Variants in PIK3CG observed in about 807,000 individuals in gnomAD.
The protein encoded by PIK3CG is phosphatidylinositol-4,5-bisphosphate 3-kinase catalytic subunit gamma, also known as phosphatidylinositol 4,5-bisphosphate 3-kinase catalytic subunit gamma isoform.
A neutral mutation model predicts 102.3 loss-of-function variants in PIK3CG; 55 were observed. The observed-to-expected ratio is 0.54, with a 90% CI of 0.43 to 0.67. PIK3CG has a LOEUF of 0.67. Ranked by LOEUF, PIK3CG falls within the 30% of genes least tolerant of loss-of-function variation. PIK3CG has a pLI of 0.00. For missense variants in PIK3CG, 1,258 were observed against 1,391.8 expected (o/e 0.90, Z 1.53); for synonymous variants, 552 against 540.0 (o/e 1.02, Z -0.31).
In PIK3CG at chr7:106,895,840, C is replaced by T. The variant is rs933770687; in HGVS notation, c.3031-9269C>T. 6.6e-6 allele frequency among the ~76,000 whole-genome samples: 1 copy of T among 152,190 alleles called. No homozygotes were observed. Among genetic ancestry groups the T allele is most frequent in the Non-Finnish European group, 1.5e-5 (1 of 68,028 alleles). On this transcript the variant is annotated intron_variant, in intron 10 of 10. Transcript: ENST00000496166. The surrounding 1 kb of genome is among the most constrained non-coding windows in gnomAD (Gnocchi z 5.4). ...ATATTTAAAAGAGGTTAAGTGACTT[C>T]TCCAGTGATATATAGTTTACCAGTA... is the stretch of plus-strand genomic sequence containing the variant.
chr7:106,906,972 T>G lies in PIK3CG; in HGVS notation c.*1585T>G, dbSNP rs1051003212. 4.6e-6 allele frequency: 1 copy of G among 216,534 alleles called. No homozygotes were observed. Among genetic ancestry groups the G allele is most frequent in the Non-Finnish European group, 9.3e-6 (1 of 107,924 alleles). 13.4% of individuals were successfully genotyped at this position (216,534 alleles called of 1,614,324 possible). A position where few individuals can be genotyped will look rare whatever the true frequency, so the allele number is the denominator to read the frequency against. ...GAGACTCCATCTCTTAAAAAAAAAATTAGCTGGGTATAGTGGTATGTGCCT... is the reference window on the plus strand; with the variant it reads ...GAGACTCCATCTCTTAAAAAAAAAAGTAGCTGGGTATAGTGGTATGTGCCT... On this transcript the variant is annotated 3_prime_UTR_variant, in exon 11 of 11. Transcript: ENST00000496166.
chr7:106,883,773 C>A lies in PIK3CG; in HGVS notation c.2761-382C>A, dbSNP rs1791009014. Among the ~76,000 whole-genome samples the A allele has an allele frequency of 6.6e-6, 1 of 152,096 alleles. No homozygotes were observed. Among genetic ancestry groups the A allele is most frequent in the Non-Finnish European group, 1.5e-5 (1 of 68,010 alleles). On this transcript the variant is annotated intron_variant, in intron 8 of 10. Coordinates refer to ENST00000496166, the MANE Select transcript of PIK3CG (RefSeq NM_001282426.2). This position sits in a 1 kb window ranked among gnomAD's most constrained non-coding sequence, Gnocchi z 5.8. ...GAGTAGCACTTATTAATCTGTTATA[C>A]ATGGGGATCTGTGAACCCAAGCATA...
intron 10 of PIK3CG, among the ~76,000 whole-genome samples, chr7:106,886,617 T>C (rs551879771): frequency 2.6e-4 from 40 of 152,190 alleles, no homozygotes; most frequent in Non-Finnish European, 4.9e-4. Flanking sequence ...CTGAGCAGGT[T>C]AGCCACTAGA....
At position 106,906,847 on chromosome 7, in the gene PIK3CG, TTAA is replaced by T; in HGVS notation, c.*1462_*1464del. On this transcript the variant is annotated 3_prime_UTR_variant, in exon 11 of 11. Coordinates refer to ENST00000496166, the MANE Select transcript of PIK3CG (RefSeq NM_001282426.2). ...AGACCTTTTCTTTTTTTTTTTTTTT[TTAA>T]TGTGTGCAAAAGCCCAAAGGTTCCT... 4.4e-6 allele frequency: 1 copy of T among 226,980 alleles called. No homozygotes were observed. The highest frequency in any genetic ancestry group is 5.7e-5 in the Admixed American group (1 of 17,516). The allele number at this position is 226,980 out of a possible 1,614,324, so 14.1% of individuals were successfully genotyped here.
rs1448416221 is a variant in PIK3CG at position 106,867,790 on chromosome 7, C to G, written c.229C>G (p.Arg77Gly). 1 of 1,612,610 alleles carries G rather than the reference C, an allele frequency of 6.2e-7. No homozygotes were observed. The highest frequency in any genetic ancestry group is 2.2e-5 in the East Asian group (1 of 44,860). Residue 77 changes from arginine to glycine, a missense_variant, in exon 2 of 11, where the codon CGA (arginine) becomes GGA (glycine). This residue lies in a region of PIK3CG where 832 missense variants were observed against 787.5 expected (regional missense o/e 1.06). Transcript: ENST00000496166. The surrounding 1 kb of genome is among the most constrained non-coding windows in gnomAD (Gnocchi z 5.1). ...GCAGATGAAGGCCCAGGTGTGGCTG[C>G]GAGCGCTGGAGACCAGCGTGGCGGC... ...VEQMKAQVWL[R>G]ALETSVAADF... is the part of the protein sequence containing the mutation.
In PIK3CG at chr7:106,893,007, A is replaced by G. The variant is rs1791303647; in HGVS notation, c.3030+6715A>G. On this transcript the variant is annotated intron_variant, in intron 10 of 10. Coordinates refer to ENST00000496166, the MANE Select transcript of PIK3CG (RefSeq NM_001282426.2). The surrounding 1 kb of genome is among the most constrained non-coding windows in gnomAD (Gnocchi z 4.4). Reference sequence around the variant, plus strand: ...GAGTCAAGAAAGGAAATTTGGGTCCAACTTGAAGCAGTACATAGGCTGGAT... The same window carrying G: ...GAGTCAAGAAAGGAAATTTGGGTCCGACTTGAAGCAGTACATAGGCTGGAT... Among the ~76,000 whole-genome samples, 2 of 152,218 alleles carry G rather than the reference A, an allele frequency of 1.3e-5. No homozygotes were observed. Among genetic ancestry groups the G allele is most frequent in the Non-Finnish European group, 2.9e-5 (2 of 68,024 alleles).
rs1270947251 is a variant in PIK3CG at position 106,895,674 on chromosome 7, C to A, written c.3030+9382C>A. Among the ~76,000 whole-genome samples, 1 of 152,156 alleles carries A rather than the reference C, an allele frequency of 6.6e-6. No homozygotes were observed. The highest frequency in any genetic ancestry group is 1.9e-4 in the East Asian group (1 of 5,202). On this transcript the variant is annotated intron_variant, in intron 10 of 10. Transcript: ENST00000496166. This position sits in a 1 kb window ranked among gnomAD's most constrained non-coding sequence, Gnocchi z 5.4. ...GCAGATGGTCTAGAGGGACAGTGAGCCCCTTAGCGTTGAACAGTATGTGTA... is the reference window on the plus strand; with the variant it reads ...GCAGATGGTCTAGAGGGACAGTGAGACCCTTAGCGTTGAACAGTATGTGTA...
chr7:106,869,138 C>G lies in PIK3CG; in HGVS notation c.1577C>G (p.Pro526Arg), dbSNP rs749714535. 1.9e-6 allele frequency: 3 copies of G among 1,614,172 alleles called. No individual in the cohort carries two copies. Among genetic ancestry groups the G allele is most frequent in the Non-Finnish European group, 2.5e-6 (3 of 1,180,042 alleles). ...ISILLDNYCH[P>R]IALPKHQPTP... Reference sequence around the variant, plus strand: ...ATTCTTCTGGACAATTACTGCCACCCGATAGCCCTGCCTAAGCATCAGCCC... The same window carrying G: ...ATTCTTCTGGACAATTACTGCCACCGGATAGCCCTGCCTAAGCATCAGCCC... Residue 526 changes from proline (P) to arginine (R), a missense_variant, in exon 2 of 11, where the codon CCG becomes CGG. Pro to Arg is a moderately radical substitution (Grantham distance 103). This residue lies in a region of PIK3CG where 832 missense variants were observed against 787.5 expected (regional missense o/e 1.06). Coordinates refer to ENST00000496166, the MANE Select transcript of PIK3CG (RefSeq NM_001282426.2). This position sits in a 1 kb window ranked among gnomAD's most constrained non-coding sequence, Gnocchi z 5.3.
At position 106,891,120 on chromosome 7, in the gene PIK3CG, G is replaced by C. The variant is rs1798987341; in HGVS notation, c.3030+4828G>C. Reference sequence around the variant, plus strand: ...CATGTGTCCTGTGTCCCTCACAAGGGGCTGAGCCACGGTAAGCACTCAGTA... The same window carrying C: ...CATGTGTCCTGTGTCCCTCACAAGGCGCTGAGCCACGGTAAGCACTCAGTA... On this transcript the variant is annotated intron_variant, in intron 10 of 10. Transcript: ENST00000496166. This position sits in a 1 kb window ranked among gnomAD's most constrained non-coding sequence, Gnocchi z 4.4. Among the ~76,000 whole-genome samples the C allele has an allele frequency of 6.6e-6, 1 of 152,200 alleles. No individual in the cohort carries two copies. The highest frequency in any genetic ancestry group is 1.5e-5 in the Non-Finnish European group (1 of 68,022).
intron 5 of PIK3CG, among the ~76,000 whole-genome samples, chr7:106,876,759 T>C (rs759566205): frequency 6.6e-6 from 1 of 152,138 alleles, no homozygotes; most frequent in Non-Finnish European, 1.5e-5. Flanking sequence ...TTATCAGATA[T>C]ACATTTTACA....
In PIK3CG at chr7:106,870,704, A is replaced by G. The variant is rs147879347; in HGVS notation, c.1995+1148A>G. On this transcript the variant is annotated intron_variant, in intron 2 of 10. Coordinates refer to ENST00000496166, the MANE Select transcript of PIK3CG (RefSeq NM_001282426.2). ...CAGACTAAATTTTACACACTAAACT[A>G]TCTAATCACTATCCGTATTTATAGG... is the stretch of plus-strand genomic sequence containing the variant. 1.9e-3 allele frequency among the ~76,000 whole-genome samples: 288 copies of G among 152,344 alleles called. 1 individual carries two copies. Among genetic ancestry groups the G allele is most frequent in the Admixed American group, 2.4e-3 (37 of 15,300 alleles).
chr7:106,907,138 A>T lies in PIK3CG; in HGVS notation c.*1751A>T, dbSNP rs564616975. 1 of 183,024 alleles carries T rather than the reference A, an allele frequency of 5.5e-6. No homozygotes were observed. Among genetic ancestry groups the T allele is most frequent in the Admixed American group, 6.2e-5 (1 of 16,032 alleles). The allele number at this position is 183,024 out of a possible 1,614,324, so 11.3% of individuals were successfully genotyped here. ...CCTGTCTCAAAAAAATAAAATAAAAAATAAAAACACCCTTGCCTGCGCTCC... is the reference window on the plus strand; with the variant it reads ...CCTGTCTCAAAAAAATAAAATAAAATATAAAAACACCCTTGCCTGCGCTCC... On this transcript the variant is annotated 3_prime_UTR_variant, in exon 11 of 11. Coordinates refer to ENST00000496166, the MANE Select transcript of PIK3CG (RefSeq NM_001282426.2).
At chr7:106,885,959 T>C (rs956092211) in intron 9 of PIK3CG, among the ~76,000 whole-genome samples, 176 bp from the exon 10 acceptor site, 2 of 152,196 alleles carry the variant, frequency 1.3e-5, no homozygotes, top group African/African-American at 4.8e-5. Flanking sequence ...GTTCAAAGAA[T>C]GTTTTGTGGC....
chr7:106,905,729 T>C lies in PIK3CG; in HGVS notation c.*342T>C, dbSNP rs1387504392. On this transcript the variant is annotated 3_prime_UTR_variant, in exon 11 of 11. Transcript: ENST00000496166. This position sits in a 1 kb window ranked among gnomAD's most constrained non-coding sequence, Gnocchi z 5.6. ...TGCTTCTGGAAATTCTTTGGAATAATTGATGACATCTATTTTCATCTGGGT... is the reference window on the plus strand; with the variant it reads ...TGCTTCTGGAAATTCTTTGGAATAACTGATGACATCTATTTTCATCTGGGT... The C allele has an allele frequency of 1.4e-5, 4 of 295,914 alleles. No individual in the cohort carries two copies. The highest frequency in any genetic ancestry group is 2.5e-5 in the Non-Finnish European group (4 of 158,952). The allele number at this position is 295,914 out of a possible 1,614,324, so 18.3% of individuals were successfully genotyped here.
Position 106,892,929 on chromosome 7 carries a change from AT to A in PIK3CG, c.3030+6640del, listed in dbSNP as rs1416887871. On this transcript the variant is annotated intron_variant, in intron 10 of 10. Coordinates refer to ENST00000496166, the MANE Select transcript of PIK3CG (RefSeq NM_001282426.2). The surrounding 1 kb of genome is among the most constrained non-coding windows in gnomAD (Gnocchi z 5.2). ...ATCAGTATTTAGGAACAAGAAGTATATTTACCTGGTATGGATAGAAAGTGGT... is the reference window on the plus strand; with the variant it reads ...ATCAGTATTTAGGAACAAGAAGTATATTACCTGGTATGGATAGAAAGTGGT... 2.6e-5 allele frequency among the ~76,000 whole-genome samples: 4 copies of A among 152,152 alleles called. No individual in the cohort carries two copies. Among genetic ancestry groups the A allele is most frequent in the Non-Finnish European group, 5.9e-5 (4 of 68,018 alleles).
Position 106,868,406 on chromosome 7 carries a change from T to C in PIK3CG, c.845T>C (p.Val282Ala), listed in dbSNP as rs1790395701. The C allele has an allele frequency of 6.2e-7, 1 of 1,614,194 alleles. No homozygotes were observed. The highest frequency in any genetic ancestry group is 2.2e-5 in the East Asian group (1 of 44,870). ...GTCTGTGGCCGGGATGAGTACCTGGTGGGCGAAACGCCCATCAAAAACTTC... is the reference window on the plus strand; with the variant it reads ...GTCTGTGGCCGGGATGAGTACCTGGCGGGCGAAACGCCCATCAAAAACTTC... ...LRVCGRDEYL[V>A]GETPIKNFQW... Residue 282 changes from valine to alanine, a missense_variant, in exon 2 of 11, where the codon GTG becomes GCG. By Grantham distance (64) the Val-to-Ala change is moderately conservative (BLOSUM62 0). Transcript: ENST00000496166. The surrounding 1 kb of genome is among the most constrained non-coding windows in gnomAD (Gnocchi z 6.2).
At chr7:106,896,708 T>C (rs1275409893) in intron 10 of PIK3CG, among the ~76,000 whole-genome samples, 2 of 152,066 alleles carry the variant, frequency 1.3e-5, no homozygotes. Context: ...AGGGAGGAAA[T>C]GCAGAGGGGA....
intron 10 of PIK3CG, among the ~76,000 whole-genome samples, chr7:106,901,691 G>C (rs547444612): frequency 6.6e-6 from 1 of 152,278 alleles, no homozygotes; most frequent in East Asian, 1.9e-4. Flanking sequence ...CTGCATGTGG[G>C]TGCTCCTTTA....
rs1791341787 is a variant in PIK3CG, at chr7:106,894,197, C to T, written c.3030+7905C>T. On this transcript the variant is annotated intron_variant, in intron 10 of 10. Coordinates refer to ENST00000496166, the MANE Select transcript of PIK3CG (RefSeq NM_001282426.2). This position sits in a 1 kb window ranked among gnomAD's most constrained non-coding sequence, Gnocchi z 4.4. ...AATGCTATTTTGACTTTTGTATCTC[C>T]AAATAGTCCACCTTAAATCCTTTTT... Among the ~76,000 whole-genome samples the T allele has an allele frequency of 6.6e-6, 1 of 152,034 alleles. No homozygotes were observed. Among genetic ancestry groups the T allele is most frequent in the Admixed American group, 6.6e-5 (1 of 15,254 alleles).
Sources: gnomAD v4.1 joint callset for allele counts (sites outside exome capture counted in the v4.1 genomes callset) on GRCh38, gnomAD v4.1.1 for gene constraint, gnomAD v4.1.1 regional missense constraint, Gnocchi (gnomAD v3.1) non-coding constraint, MANE v1.5 for transcripts, NCBI Gene and HGNC (gene_info 2026-07-23, HGNC 2026-07-21) for gene names.